The following TEAD1 variants were observed in gnomAD, a reference collection of about 807,000 sequenced individuals.
TEAD1 encodes the protein TEA domain transcription factor 1, also known as transcriptional enhancer factor TEF-1.
TEAD1 carries 9 observed loss-of-function variants against 54.9 expected under a neutral mutation model. The observed-to-expected ratio is 0.16, with a 90% confidence interval of 0.10 to 0.29. The LOEUF (loss-of-function observed/expected upper bound fraction) is 0.29, where lower values mean the gene tolerates loss of function less well. Among genes scored for constraint, TEAD1 ranks in the 10% least tolerant of loss-of-function variants. TEAD1 has a pLI of 1.00. For missense variants in TEAD1, 387 were observed against 535.9 expected (o/e 0.72, Z 2.74); for synonymous variants, 200 against 187.8 (o/e 1.07, Z -0.53).
intron 5 of TEAD1, among the ~76,000 whole-genome samples, chr11:12,870,336 C>T (rs1947717315): frequency 6.6e-6 from 1 of 152,162 alleles, no homozygotes; most frequent in African/African-American, 2.4e-5. Flanking sequence ...ATACGAGGTT[C>T]AGGACATATA....
At chr11:12,936,706 AATT>A (rs1360457190) in intron 12 of TEAD1, among the ~76,000 whole-genome samples, 1 of 152,218 alleles carries the variant, frequency 6.6e-6, no homozygotes, top group Non-Finnish European at 1.5e-5. Flanking sequence ...TAGGGACTGG[AATT>A]ATTACTTGTC....
chr11:12,926,737 G>C (rs995110213), intron 11 of TEAD1, among the ~76,000 whole-genome samples: 5 of 152,176 alleles, frequency 3.3e-5, no homozygotes, highest in African/African-American at 4.8e-5. Context: ...AGGATAAGTA[G>C]AGGGAGACAT....
chr11:12,748,554 A>G (rs1944798952), intron 2 of TEAD1, among the ~76,000 whole-genome samples: 1 of 152,198 alleles, frequency 6.6e-6, no homozygotes, highest in Non-Finnish European at 1.5e-5. Context: ...GTATGATGAA[A>G]GTCCTATTTG....
chr11:12,862,437 C>G (rs1288095459), intron 4 of TEAD1, 123 bp downstream of exon 4: 2 of 801,882 alleles, frequency 2.5e-6, no homozygotes, highest in Non-Finnish European at 4.3e-6. Flanking sequence ...GTAAGGACGT[C>G]AGTGTTGGAG....
At chr11:12,904,768 T>A (rs989708752) in intron 10 of TEAD1, 2 of 234,616 alleles carry the variant, frequency 8.5e-6, no homozygotes, top group Non-Finnish European at 1.8e-5. Flanking sequence ...AATATAGATA[T>A]AACCTGTAGT....
intron 3 of TEAD1, among the ~76,000 whole-genome samples, chr11:12,788,011 G>A (rs1303801406): frequency 1.3e-5 from 2 of 148,726 alleles, no homozygotes; most frequent in East Asian, 2.0e-4. Flanking sequence ...CGCTCAGGCT[G>A]GAGTGCAATG....
At chr11:12,830,659 G>A (rs1946756397) in intron 3 of TEAD1, among the ~76,000 whole-genome samples, 1 of 151,942 alleles carries the variant, frequency 6.6e-6, no homozygotes, top group African/African-American at 2.4e-5. Context: ...TGTTAGCCTG[G>A]TTAACGTGTA....
At chr11:12,784,974 G>C (rs1945648010) in intron 3 of TEAD1, among the ~76,000 whole-genome samples, 1 of 152,240 alleles carries the variant, frequency 6.6e-6, no homozygotes, top group South Asian at 2.1e-4. Flanking sequence ...CTTGGGGTCA[G>C]CATGAGTGTG....
chr11:12,857,866 C>A (rs534457782), intron 3 of TEAD1, among the ~76,000 whole-genome samples: 1 of 152,220 alleles, frequency 6.6e-6, no homozygotes, highest in South Asian at 2.1e-4. Context: ...GGGCGGATTG[C>A]TTGAGCGCAG....
chr11:12,789,402 C>A (rs1329265758), intron 3 of TEAD1, among the ~76,000 whole-genome samples: 1 of 152,052 alleles, frequency 6.6e-6, no homozygotes, highest in Non-Finnish European at 1.5e-5. Flanking sequence ...ATTTGAAAAG[C>A]AAAAATGAAA....
intron 3 of TEAD1, among the ~76,000 whole-genome samples, chr11:12,791,040 T>G (rs1945791585): frequency 6.6e-6 from 1 of 152,252 alleles, no homozygotes; most frequent in Non-Finnish European, 1.5e-5. Flanking sequence ...AAGACTTGTA[T>G]GCACATATTC....
chr11:12,831,864 T>C (rs1271186827), intron 3 of TEAD1, among the ~76,000 whole-genome samples: 2 of 152,226 alleles, frequency 1.3e-5, no homozygotes, highest in Non-Finnish European at 1.5e-5. Context: ...TTTTACTTAT[T>C]GAAATATGCC....
chr11:12,908,825 A>T (rs1336692263), intron 10 of TEAD1, among the ~76,000 whole-genome samples: 1 of 151,624 alleles, frequency 6.6e-6, no homozygotes, highest in Non-Finnish European at 1.5e-5. Flanking sequence ...CTGACACTCC[A>T]CTTTTATACC....
intron 3 of TEAD1, among the ~76,000 whole-genome samples, chr11:12,768,145 G>C (rs911910690): frequency 3.3e-5 from 5 of 152,156 alleles, no homozygotes; most frequent in African/African-American, 1.2e-4. Flanking sequence ...AGGCAGAGAA[G>C]TATATAACAC....
chr11:12,892,343 A>G (rs1238852970), intron 9 of TEAD1, among the ~76,000 whole-genome samples: 1 of 152,106 alleles, frequency 6.6e-6, no homozygotes, highest in Non-Finnish European at 1.5e-5. Flanking sequence ...GACACAAGAT[A>G]AAAAGCAAGG....
At chr11:12,754,788 T>A (rs1194651131) in intron 2 of TEAD1, among the ~76,000 whole-genome samples, 1 of 152,216 alleles carries the variant, frequency 6.6e-6, no homozygotes, top group African/African-American at 2.4e-5. Context: ...TTTTCCTTGT[T>A]GATTGGCTTA....
At chr11:12,686,447 T>C (rs1340441405) in intron 2 of TEAD1, among the ~76,000 whole-genome samples, 2 of 152,218 alleles carry the variant, frequency 1.3e-5, no homozygotes, top group South Asian at 2.1e-4. Context: ...GTGGATGCAC[T>C]CATAAGTATT....
At chr11:12,724,191 A>T (rs1944268128) in intron 2 of TEAD1, among the ~76,000 whole-genome samples, 1 of 151,796 alleles carries the variant, frequency 6.6e-6, no homozygotes. Flanking sequence ...AAAGACACAC[A>T]CTCTCTTGGG....
Position 12,748,123 on chromosome 11 carries a change from G to A in TEAD1, c.-54-16056G>A, listed in dbSNP as rs770675281. ...ACTACAGGCACCCGTCACCACGCCC[G>A]GCTAATTTTTGTATTCTTAGTAGTG... On this transcript the variant is annotated intron_variant, in intron 2 of 12. Transcript: ENST00000527636. 6.6e-5 allele frequency among the ~76,000 whole-genome samples: 10 copies of A among 152,078 alleles called. No homozygotes were observed. The East Asian group carries it at 7.7e-4, about 12-fold the overall frequency.
Sources: allele counts gnomAD v4.1 joint callset (sites outside exome capture counted in the v4.1 genomes callset), GRCh38; gene constraint gnomAD v4.1.1; transcripts MANE v1.5; gene names NCBI Gene and HGNC (gene_info 2026-07-23, HGNC 2026-07-21).